The following ASTN2 variants were observed in gnomAD, a reference collection of about 807,000 sequenced individuals.
ASTN2 encodes the protein astrotactin-2.
ASTN2 carries 54 observed loss-of-function variants against 139.8 expected under a neutral mutation model. That is an observed-to-expected ratio of 0.39 (90% CI 0.31 to 0.48). The LOEUF is 0.48. ASTN2 is among the 20% of genes least tolerant of loss of function. ASTN2 has a pLI of 0.95. For synonymous variants in ASTN2, 756 were observed against 719.5 expected, an observed-to-expected ratio of 1.05 and a Z score of -0.81; for missense variants, 1,565 against 1,725.1, an observed-to-expected ratio of 0.91 and a Z score of 1.64.
rs879660530 is a variant in ASTN2, at chr9:117,046,020, GTATGTA to G, written c.1277-6061_1277-6056del. ...TGTATGTATGTATGTATGTATGTAT[GTATGTA>G]GTCTCACTCTGTCACCCAGGCTGGA... On this transcript the variant is annotated intron_variant, in intron 5 of 22. Transcript: ENST00000313400. 2.8e-3 allele frequency among the ~76,000 whole-genome samples: 420 copies of G among 150,824 alleles called. 5 individuals are homozygous for G. Among genetic ancestry groups the G allele is most frequent in the Middle Eastern group, 6.9e-3 (2 of 290 alleles).
chr9:117,397,146 C>A (rs961157761), intron 1 of ASTN2, among the ~76,000 whole-genome samples: 1 of 151,730 alleles, frequency 6.6e-6, no homozygotes, highest in Admixed American at 6.6e-5. Flanking sequence ...TTTCACCATG[C>A]TGGCCAGGTT....
At chr9:117,072,639 C>T (rs187471078) in intron 5 of ASTN2, among the ~76,000 whole-genome samples, 3 of 152,286 alleles carry the variant, frequency 2.0e-5, no homozygotes, top group Non-Finnish European at 2.9e-5. Context: ...GGGCCCTGAT[C>T]TCATGGATCT....
At chr9:116,932,440 TAC>T (rs1162145245) in intron 10 of ASTN2, among the ~76,000 whole-genome samples, 2 of 152,178 alleles carry the variant, frequency 1.3e-5, no homozygotes, top group Non-Finnish European at 2.9e-5. Context: ...GCTGTGAGAT[TAC>T]ACTGTGGCTA....
At chr9:117,055,084 C>G (rs937859790) in intron 5 of ASTN2, among the ~76,000 whole-genome samples, 1 of 152,306 alleles carries the variant, frequency 6.6e-6, no homozygotes, top group African/African-American at 2.4e-5. Context: ...TGGCCAGGTT[C>G]CTAACAGGCT....
chr9:117,100,329 A>G (rs917107265), intron 4 of ASTN2, among the ~76,000 whole-genome samples: 1 of 152,180 alleles, frequency 6.6e-6, no homozygotes, highest in Non-Finnish European at 1.5e-5. Context: ...GCTCAGAAAC[A>G]ATGTCTATAA....
intron 5 of ASTN2, among the ~76,000 whole-genome samples, chr9:117,053,101 C>T (rs1838960237): frequency 6.6e-6 from 1 of 152,156 alleles, no homozygotes; most frequent in Non-Finnish European, 1.5e-5. Context: ...TGAACCAAGC[C>T]TCAAAACCTA....
chr9:117,144,726 G>T (rs138482083), intron 3 of ASTN2, among the ~76,000 whole-genome samples: 1 of 135,840 alleles, frequency 7.4e-6, no homozygotes, highest in Non-Finnish European at 1.5e-5. Flanking sequence ...CTGTCACCCA[G>T]GCTGGAGTGC....
intron 10 of ASTN2, among the ~76,000 whole-genome samples, chr9:116,907,948 C>T (rs1047340317): frequency 1.4e-4 from 21 of 152,284 alleles, no homozygotes; most frequent in African/African-American, 4.6e-4. Context: ...CCACACCCAA[C>T]AGTAAGACTA....
At chr9:117,232,658 T>C (rs1832927959) in intron 2 of ASTN2, among the ~76,000 whole-genome samples, 1 of 152,210 alleles carries the variant, frequency 6.6e-6, no homozygotes, top group Non-Finnish European at 1.5e-5. Context: ...TCAATTCAAG[T>C]GGAGAAAATA....
In ASTN2 at chr9:117,354,848, A is replaced by G. The variant is rs1024552727; in HGVS notation, c.442+59649T>C. On this transcript the variant is annotated intron_variant, in intron 1 of 22. Transcript: ENST00000313400. Reference sequence around the variant, plus strand: ...ACAGCTCAAACCTCAACTTTTAGGAAAGACTTCCCTGAATCCCCAGACTAA... The same window carrying G: ...ACAGCTCAAACCTCAACTTTTAGGAGAGACTTCCCTGAATCCCCAGACTAA... Among the ~76,000 whole-genome samples the G allele has an allele frequency of 2.0e-5, 3 of 152,228 alleles. No homozygotes were observed. In the South Asian group the frequency reaches 6.2e-4, roughly 32 times the overall value.
chr9:116,676,227 TTCTC>T (rs944078450), intron 16 of ASTN2, among the ~76,000 whole-genome samples: 18 of 152,108 alleles, frequency 1.2e-4, no homozygotes, highest in Admixed American at 9.8e-4. Flanking sequence ...CCAGCCAAAT[TTCTC>T]TCTCTCTCTT....
intron 3 of ASTN2, among the ~76,000 whole-genome samples, chr9:117,191,041 T>C (rs927774200): frequency 3.3e-5 from 5 of 152,130 alleles, no homozygotes; most frequent in South Asian, 2.1e-4. Flanking sequence ...AATGTTACCT[T>C]ATTTAACAAA....
At chr9:116,749,611 T>A (rs946078855) in intron 13 of ASTN2, among the ~76,000 whole-genome samples, 2 of 152,160 alleles carry the variant, frequency 1.3e-5, no homozygotes, top group Non-Finnish European at 2.9e-5. Flanking sequence ...TCTATTTCCC[T>A]ACTTTTGGGG....
intron 2 of ASTN2, among the ~76,000 whole-genome samples, chr9:117,250,418 A>G (rs1833506338): frequency 6.6e-6 from 1 of 152,232 alleles, no homozygotes; most frequent in South Asian, 2.1e-4. Context: ...TAAATTTCTC[A>G]TCATTTCCCT....
At chr9:116,744,213 T>C (rs1829174639) in intron 13 of ASTN2, among the ~76,000 whole-genome samples, 1 of 152,090 alleles carries the variant, frequency 6.6e-6, no homozygotes, top group African/African-American at 2.4e-5. Context: ...ATAAAACACA[T>C]GGCATGTTCT....
At chr9:116,440,993 A>C (rs1218369432) in intron 21 of ASTN2, among the ~76,000 whole-genome samples, 2 of 152,176 alleles carry the variant, frequency 1.3e-5, no homozygotes, top group Admixed American at 6.5e-5. Context: ...AATGATGTCT[A>C]TTCTGGAGGT....
intron 10 of ASTN2, among the ~76,000 whole-genome samples, chr9:116,963,692 T>C (rs1183303108): frequency 6.6e-6 from 1 of 152,170 alleles, no homozygotes; most frequent in East Asian, 1.9e-4. Context: ...CTCCATTTGC[T>C]CCTCCAAGCT....
intron 16 of ASTN2, among the ~76,000 whole-genome samples, chr9:116,721,655 T>C (rs533840584): frequency 1.2e-4 from 19 of 152,290 alleles, no homozygotes; most frequent in African/African-American, 4.6e-4. Context: ...GGGATGACTT[T>C]GGCTGCTCTA....
intron 5 of ASTN2, among the ~76,000 whole-genome samples, chr9:117,045,648 T>G (rs112587076): frequency 1.3e-4 from 20 of 152,208 alleles, no homozygotes; most frequent in African/African-American, 4.6e-4. Context: ...AAATGCCAGG[T>G]TGAGAGGAGA....
Sources: allele counts gnomAD v4.1 joint callset (sites outside exome capture counted in the v4.1 genomes callset), GRCh38; gene constraint gnomAD v4.1.1; transcripts MANE v1.5; gene names NCBI Gene and HGNC (gene_info 2026-07-23, HGNC 2026-07-21).